Variants in STK4 observed in about 807,000 individuals in gnomAD.
STK4 encodes the protein serine/threonine-protein kinase 4.
A neutral mutation model predicts 64.9 loss-of-function variants in STK4; 30 were observed. The ratio of observed to expected loss-of-function variants is 0.46; its 90% confidence interval spans 0.35 to 0.63. The LOEUF (loss-of-function observed/expected upper bound fraction) is 0.63, where lower values mean the gene tolerates loss of function less well. STK4 is among the 20% of genes least tolerant of loss of function. STK4 has a pLI of 0.01. For synonymous variants in STK4, 177 were observed against 199.0 expected (o/e 0.89, Z 0.93); for missense variants, 466 against 598.5 (o/e 0.78, Z 2.31).
At chr20:45,056,865 A>C (rs1311161388) in intron 10 of STK4, among the ~76,000 whole-genome samples, 1 of 152,242 alleles carries the variant, frequency 6.6e-6, no homozygotes, top group Non-Finnish European at 1.5e-5. Context: ...CCAGGGCTTC[A>C]GACTTCATTG....
intron 6 of STK4, among the ~76,000 whole-genome samples, 162 bp downstream of exon 6, chr20:44,995,419 A>T (rs2067710450): frequency 6.6e-6 from 1 of 152,110 alleles, no homozygotes. Flanking sequence ...CAACCTGGCC[A>T]ACATGGTGAA....
chr20:45,011,300 T>C (rs2145344738), intron 9 of STK4, among the ~76,000 whole-genome samples: 1 of 152,256 alleles, frequency 6.6e-6, no homozygotes, highest in Non-Finnish European at 1.5e-5. Context: ...GTTAATGGGT[T>C]ATAATCGTGT....
intron 9 of STK4, among the ~76,000 whole-genome samples, chr20:45,002,935 A>G (rs534252641): frequency 2.6e-5 from 4 of 152,148 alleles, no homozygotes; most frequent in Non-Finnish European, 5.9e-5. Context: ...ACTCTAGAAA[A>G]TAGTAAAATG....
chr20:45,022,987 A>G (rs1235837118), intron 9 of STK4, among the ~76,000 whole-genome samples: 1 of 152,228 alleles, frequency 6.6e-6, no homozygotes, highest in African/African-American at 2.4e-5. Flanking sequence ...ATTTCCTAAG[A>G]AAGAAGATAC....
intron 9 of STK4, among the ~76,000 whole-genome samples, chr20:45,015,454 A>G (rs6031933): frequency 0.019 from 2,944 of 152,320 alleles, 92 homozygotes; most frequent in African/African-American, 0.067. Context: ...CTTACTGTCC[A>G]ATTTCTGATC....
chr20:45,072,421 T>G (rs1290381245), intron 10 of STK4, among the ~76,000 whole-genome samples: 1 of 152,232 alleles, frequency 6.6e-6, no homozygotes, highest in Admixed American at 6.5e-5. Context: ...CCAGCTCCCC[T>G]TCTTTCACAC....
intron 2 of STK4, chr20:44,975,342 T>G (rs1235865543): frequency 1.0e-6 from 1 of 984,432 alleles, no homozygotes. Flanking sequence ...AGATGCAGTA[T>G]ATGGAATCAG....
At chr20:44,972,188 T>C (rs1454578641) in intron 2 of STK4, 30 bp downstream of exon 2, 3 of 1,588,240 alleles carry the variant, frequency 1.9e-6, no homozygotes, top group Non-Finnish European at 1.7e-6. Flanking sequence ...AGGTAGGTCA[T>C]TGGGTCCCAG....
intron 10 of STK4, among the ~76,000 whole-genome samples, chr20:45,055,526 T>C (rs940041204): frequency 2.0e-5 from 3 of 152,022 alleles, no homozygotes; most frequent in Non-Finnish European, 4.4e-5. Flanking sequence ...TATCAAAGTG[T>C]AATTTTTTTT....
At position 45,030,331 on chromosome 20, in the gene STK4, C is replaced by G. The variant is rs574138658; in HGVS notation, c.1305+5201C>G. 9.2e-5 allele frequency among the ~76,000 whole-genome samples: 14 copies of G among 152,088 alleles called. No individual in the cohort carries two copies. The South Asian group carries it at 2.9e-3, about 31-fold the overall frequency. Reference sequence around the variant, plus strand: ...ATCTTGGCCAGGCTGATCTTGAACACCTGACCTTGTGATCCACTCTCTTTG... The same window carrying G: ...ATCTTGGCCAGGCTGATCTTGAACAGCTGACCTTGTGATCCACTCTCTTTG... On this transcript the variant is annotated intron_variant, in intron 10 of 10. Coordinates refer to ENST00000372806, the MANE Select transcript of STK4 (RefSeq NM_006282.5).
rs1184677974 is a variant in STK4 at position 45,078,421 on chromosome 20, G to A, written c.*3245G>A. 2 of 151,742 alleles carry A rather than the reference G, an allele frequency of 1.3e-5. No individual in the cohort carries two copies. Among genetic ancestry groups the A allele is most frequent in the African/African-American group, 2.4e-5 (1 of 41,288 alleles). 9.4% of individuals were successfully genotyped at this position (151,742 alleles called of 1,614,324 possible). On this transcript the variant is annotated 3_prime_UTR_variant, in exon 11 of 11. Coordinates refer to ENST00000372806, the MANE Select transcript of STK4 (RefSeq NM_006282.5). ...AGGGTTTCACCATATTAGCCAGGTG[G>A]GTCTTGAACTCCTGACCTTGTGATC...
At chr20:45,054,682 A>G (rs1183432312) in intron 10 of STK4, among the ~76,000 whole-genome samples, 1 of 150,758 alleles carries the variant, frequency 6.6e-6, no homozygotes, top group African/African-American at 2.4e-5. Context: ...AATGGATTAT[A>G]TAATTCTTCA....
intron 9 of STK4, chr20:45,007,753 A>G (rs1466113208): frequency 2.4e-6 from 1 of 410,436 alleles, no homozygotes; most frequent in South Asian, 1.8e-5. Context: ...TTGTTTATTC[A>G]TTTATTTATT....
At chr20:45,013,234 TG>T in intron 9 of STK4, among the ~76,000 whole-genome samples, 1 of 152,212 alleles carries the variant, frequency 6.6e-6, no homozygotes. Context: ...CAGCAGAATT[TG>T]GTCGATACCC....
chr20:45,022,026 T>C (rs2145373790), intron 9 of STK4, among the ~76,000 whole-genome samples: 1 of 152,256 alleles, frequency 6.6e-6, no homozygotes, highest in South Asian at 2.1e-4. Context: ...AGAATCTAAA[T>C]CTTTGAACTG....
intron 2 of STK4, among the ~76,000 whole-genome samples, chr20:44,977,416 A>G (rs903624305): frequency 1.3e-5 from 2 of 152,156 alleles, no homozygotes; most frequent in African/African-American, 4.8e-5. Context: ...GTGAAGATAC[A>G]GATGTGTTGG....
intron 10 of STK4, among the ~76,000 whole-genome samples, chr20:45,041,132 C>G (rs1192764625): frequency 6.6e-6 from 1 of 151,972 alleles, no homozygotes; most frequent in African/African-American, 2.4e-5. Flanking sequence ...TTTTTTGTTT[C>G]ATTTTGTTTT....
chr20:45,034,775 G>C (rs144363600), intron 10 of STK4, among the ~76,000 whole-genome samples: 1 of 152,144 alleles, frequency 6.6e-6, no homozygotes, highest in East Asian at 1.9e-4. Flanking sequence ...AAATTAGCTG[G>C]GCTTGGTGGT....
chr20:45,021,569 C>CG (rs1427918417), intron 9 of STK4, among the ~76,000 whole-genome samples: 9 of 152,194 alleles, frequency 5.9e-5, no homozygotes, highest in Non-Finnish European at 1.2e-4. Flanking sequence ...CCCTATCAGT[C>CG]AGTTCATTCA....
Sources: gnomAD v4.1 joint callset for allele counts (sites outside exome capture counted in the v4.1 genomes callset) on GRCh38, gnomAD v4.1.1 for gene constraint, MANE v1.5 for transcripts, NCBI Gene and HGNC (gene_info 2026-07-23, HGNC 2026-07-21) for gene names.